NAXD: variants seen among roughly 807,000 people sequenced by gnomAD.
NAXD encodes NAD(P)HX dehydratase.
A neutral mutation model predicts 35.8 loss-of-function variants in NAXD; 22 were observed. The observed-to-expected ratio is 0.62, with a 90% CI of 0.44 to 0.88. NAXD has a LOEUF of 0.88. NAXD is among the 40% of genes least tolerant of loss of function. The pLI is 0.00. For missense variants in NAXD, 428 were observed against 437.7 expected, an observed-to-expected ratio of 0.98 and a Z score of 0.20; for synonymous variants, 189 against 177.6, an observed-to-expected ratio of 1.06 and a Z score of -0.51.
At position 110,625,149 on chromosome 13, in the gene NAXD, C is replaced by T. The variant is rs752265865; in HGVS notation, c.244-41C>T. On this transcript the variant is annotated intron_variant, in intron 3 of 9. Transcript: ENST00000680254. ...GTGTCTGGCGGGTGGGCAGCGATGC[C>T]GGAGCGATCCCTGAGTCGGCCTCTT... is the stretch of plus-strand genomic sequence containing the variant. 45 of 1,496,718 alleles carry T rather than the reference C, an allele frequency of 3.0e-5. No individual in the cohort carries two copies. In the East Asian group the frequency reaches 4.1e-4, roughly 14 times the overall value. The allele number at this position is 1,496,718 out of a possible 1,614,324, so 92.7% of individuals were successfully genotyped here.
intron 5 of NAXD, among the ~76,000 whole-genome samples, chr13:110,633,904 C>G (rs911821046): frequency 6.6e-6 from 1 of 152,170 alleles, no homozygotes; most frequent in South Asian, 2.1e-4. Context: ...TTGGGGAATT[C>G]TCAGGAATTC....
rs1887007135 is a variant in NAXD at position 110,638,166 on chromosome 13, T to G, written c.840-212T>G. The G allele has an allele frequency of 1.4e-6, 2 of 1,409,166 alleles. No individual in the cohort carries two copies. Among genetic ancestry groups the G allele is most frequent in the African/African-American group, 1.4e-5 (1 of 69,678 alleles). 87.3% of individuals were successfully genotyped at this position (1,409,166 alleles called of 1,614,324 possible). On this transcript the variant is annotated intron_variant, in intron 9 of 9. Coordinates refer to ENST00000680254, the MANE Select transcript of NAXD (RefSeq NM_001242882.2). This position sits in a 1 kb window ranked among gnomAD's most constrained non-coding sequence, Gnocchi z 5.4. The stretch of plus-strand genomic sequence containing the variant: ...ACCTGTCTCCGAGTACATAGACGTT[T>G]CCTGTGTGCCTCCTGCCAGGGAGTA...
intron 3 of NAXD, among the ~76,000 whole-genome samples, chr13:110,624,924 C>T (rs894108808): frequency 1.3e-5 from 2 of 152,244 alleles, no homozygotes; most frequent in Admixed American, 1.3e-4. Flanking sequence ...ACCCTTCCTC[C>T]TGGAGGGTGA....
At chr13:110,635,717 A>G (rs1410119387) in intron 8 of NAXD, 129 bp downstream of exon 8, 2 of 1,077,720 alleles carry the variant, frequency 1.9e-6, no homozygotes, top group Non-Finnish European at 2.7e-6. Context: ...GGGATTCCTG[A>G]TGAGCTCGTC....
intron 5 of NAXD, among the ~76,000 whole-genome samples, chr13:110,629,281 T>C (rs1886618912): frequency 6.6e-6 from 1 of 152,234 alleles, no homozygotes; most frequent in African/African-American, 2.4e-5. Flanking sequence ...GCAAAGAAAC[T>C]GCAGAGATGG....
intron 5 of NAXD, among the ~76,000 whole-genome samples, 176 bp downstream of exon 5, chr13:110,627,723 G>T (rs561062257): frequency 1.1e-3 from 172 of 152,362 alleles, no homozygotes; most frequent in African/African-American, 3.9e-3. Flanking sequence ...GAGGAACTGT[G>T]CTGAGATGTG....
chr13:110,618,104 C>T (rs1165330573), intron 1 of NAXD, among the ~76,000 whole-genome samples: 1 of 152,058 alleles, frequency 6.6e-6, no homozygotes, highest in African/African-American at 2.4e-5. Context: ...TTTCAGAACC[C>T]CACATGTAAT....
At position 110,622,239 on chromosome 13, in the gene NAXD, C is replaced by T. The variant is rs138412062; in HGVS notation, c.70C>T (p.Arg24Cys). 1.1e-5 allele frequency: 18 copies of T among 1,613,366 alleles called. No homozygotes were observed. The East Asian group carries it at 2.2e-4, about 20-fold the overall frequency. Residue 24 changes from arginine to cysteine, a missense_variant, in exon 2 of 10, where the codon CGT becomes TGT. Arg to Cys is a radical substitution (Grantham distance 180). Coordinates refer to ENST00000680254, the MANE Select transcript of NAXD (RefSeq NM_001242882.2). The stretch of plus-strand genomic sequence containing the variant: ...AGTTTTAGAAAGAGCGTTTTCGCTA[C>T]GTAAAGCACATTCGATAAAGGATAT... ...RRVLERAFSL[R>C]KAHSIKDMEN...
chr13:110,630,203 A>C (rs1886651902), intron 5 of NAXD, among the ~76,000 whole-genome samples: 1 of 151,628 alleles, frequency 6.6e-6, no homozygotes, highest in Non-Finnish European at 1.5e-5. Context: ...TAATTTTTGT[A>C]TTTTTAGTAG....
In NAXD at chr13:110,638,540, C is replaced by CCAGA; in HGVS notation, c.*13_*16dup. 1 of 1,611,222 alleles carries CCAGA rather than the reference C, an allele frequency of 6.2e-7. No homozygotes were observed. Among genetic ancestry groups the CCAGA allele is most frequent in the Non-Finnish European group, 8.5e-7 (1 of 1,178,734 alleles). ...TCTTTGAAACCTGAGCCCGCGCAGA[C>CCAGA]CAGAAGTAAACAGGCACCTTGGACG... On this transcript the variant is annotated 3_prime_UTR_variant, in exon 10 of 10. Coordinates refer to ENST00000680254, the MANE Select transcript of NAXD (RefSeq NM_001242882.2). The surrounding 1 kb of genome is among the most constrained non-coding windows in gnomAD (Gnocchi z 5.4).
chr13:110,637,021 C>G (rs542848282), intron 8 of NAXD, 108 bp from the exon 9 acceptor site: 1 of 1,321,046 alleles, frequency 7.6e-7, no homozygotes, highest in Non-Finnish European at 1.0e-6. Context: ...TCAGGCTGCT[C>G]CTGGAGGGTG....
Position 110,625,216 on chromosome 13 carries a change from T to C in NAXD, c.270T>C (p.Cys90=). Residue 90 remains cysteine, a synonymous_variant, in exon 4 of 10, where the codon TGT becomes TGC. Coordinates refer to ENST00000680254, the MANE Select transcript of NAXD (RefSeq NM_001242882.2). ...GCGCAGACTTGTCCCACGTGTTCTG[T>C]GCCAGTGCGGCCGCACCTGTGATTA... The part of the protein sequence containing the change: ...KVGADLSHVF[C]ASAAAPVIKA... The C allele has an allele frequency of 6.2e-7, 1 of 1,613,920 alleles. No homozygotes were observed. The highest frequency in any genetic ancestry group is 1.1e-5 in the South Asian group (1 of 91,072).
chr13:110,637,067 G>T, intron 8 of NAXD, 62 bp from the exon 9 acceptor site: 2 of 1,540,394 alleles, frequency 1.3e-6, no homozygotes, highest in Admixed American at 2.1e-5. Flanking sequence ...CACACCCGTG[G>T]CTACTGTCAC....
At chr13:110,632,451 T>C (rs1216065564) in intron 5 of NAXD, among the ~76,000 whole-genome samples, 1 of 152,162 alleles carries the variant, frequency 6.6e-6, no homozygotes, top group Non-Finnish European at 1.5e-5. Context: ...GCTTTTATTC[T>C]CTTATCCGGC....
chr13:110,636,413 C>T (rs533312376), intron 8 of NAXD, among the ~76,000 whole-genome samples: 81 of 152,276 alleles, frequency 5.3e-4, no homozygotes, highest in African/African-American at 1.6e-3. Flanking sequence ...CAGCCTCGCA[C>T]GCCCTTGCAC....
In NAXD at chr13:110,638,753, C is replaced by T; in HGVS notation, c.*225C>T. The T allele has an allele frequency of 1.4e-6, 1 of 692,476 alleles. No homozygotes were observed. The highest frequency in any genetic ancestry group is 1.5e-5 in the South Asian group (1 of 66,372). 42.9% of individuals were successfully genotyped at this position (692,476 alleles called of 1,614,324 possible). A position where few individuals can be genotyped will look rare whatever the true frequency, so the allele number is the denominator to read the frequency against. On this transcript the variant is annotated 3_prime_UTR_variant, in exon 10 of 10. Transcript: ENST00000680254. The surrounding 1 kb of genome is among the most constrained non-coding windows in gnomAD (Gnocchi z 5.4). ...TTATGGCGACACTAAACAAAGTATT[C>T]CTGAACTTTCCTTAGCTCCTTGGTA... is the stretch of plus-strand genomic sequence containing the variant.
At chr13:110,635,032 TC>T (rs1048076903) in intron 7 of NAXD, among the ~76,000 whole-genome samples, 2 of 143,772 alleles carry the variant, frequency 1.4e-5, no homozygotes, top group Non-Finnish European at 3.0e-5. Context: ...GGTCACTTTG[TC>T]TGTGTCCTGA....
At position 110,639,038 on chromosome 13, in the gene NAXD, C is replaced by G. The variant is rs1045614309; in HGVS notation, c.*510C>G. ...AGGGCTGCTTCGTTCTCCAGCTCATCTTCTTTTAAAGTGGTGACTAGCTTG... is the reference window on the plus strand; with the variant it reads ...AGGGCTGCTTCGTTCTCCAGCTCATGTTCTTTTAAAGTGGTGACTAGCTTG... On this transcript the variant is annotated 3_prime_UTR_variant, in exon 10 of 10. Transcript: ENST00000680254. The G allele has an allele frequency of 1.4e-5, 4 of 277,356 alleles. No homozygotes were observed. Among genetic ancestry groups the G allele is most frequent in the African/African-American group, 8.8e-5 (4 of 45,274 alleles). The allele number at this position is 277,356 out of a possible 1,614,324, so 17.2% of individuals were successfully genotyped here. A position where few individuals can be genotyped will look rare whatever the true frequency, so the allele number is the denominator to read the frequency against.
At chr13:110,618,245 C>T (rs1282388903) in intron 1 of NAXD, among the ~76,000 whole-genome samples, 6 of 150,626 alleles carry the variant, frequency 4.0e-5, no homozygotes, top group Non-Finnish European at 1.5e-5. Flanking sequence ...ATGTGTAAAT[C>T]TTGAAATATT....
Sources: allele counts gnomAD v4.1 joint callset (sites outside exome capture counted in the v4.1 genomes callset), GRCh38; gene constraint gnomAD v4.1.1; non-coding constraint Gnocchi (gnomAD v3.1); transcripts MANE v1.5; gene names NCBI Gene and HGNC (gene_info 2026-07-23, HGNC 2026-07-21).